Variants in UPB1 observed in about 807,000 individuals in gnomAD.
UPB1 encodes the protein beta-ureidopropionase.
UPB1 carries 40 observed loss-of-function variants against 49.1 expected under a neutral mutation model. The observed-to-expected ratio is 0.81, with a 90% CI of 0.63 to 1.06. The LOEUF is 1.06. UPB1 is among the 50% of genes least tolerant of loss of function. The pLI, the probability that UPB1 is intolerant of heterozygous loss-of-function variation, is 0.00. For missense variants in UPB1, 499 were observed against 505.9 expected, an observed-to-expected ratio of 0.99 and a Z score of 0.13; for synonymous variants, 207 against 198.2, an observed-to-expected ratio of 1.04 and a Z score of -0.38.
intron 4 of UPB1, among the ~76,000 whole-genome samples, chr22:24,513,027 A>G (rs1358426158): frequency 6.6e-6 from 1 of 152,222 alleles, no homozygotes; most frequent in Admixed American, 6.5e-5. Flanking sequence ...ACTTTTGGAT[A>G]TATACCCAGG....
At chr22:24,504,441 A>G (rs1357807940) in intron 3 of UPB1, among the ~76,000 whole-genome samples, 1 of 152,156 alleles carries the variant, frequency 6.6e-6, no homozygotes, top group Non-Finnish European at 1.5e-5. Context: ...TTTGTGACCC[A>G]TTGTCTATGA....
intron 2 of UPB1, 144 bp downstream of exon 2, chr22:24,500,422 C>A: frequency 9.9e-7 from 1 of 1,010,038 alleles, no homozygotes; most frequent in Non-Finnish European, 1.5e-6. Flanking sequence ...TCTGCCCTGG[C>A]CTCCCCACAT....
chr22:24,518,373 G>C (rs2044332820), intron 6 of UPB1: 1 of 152,210 alleles, frequency 6.6e-6, no homozygotes, highest in Non-Finnish European at 1.5e-5. Context: ...TCAGGCTGTG[G>C]TCAGAACTCT....
rs56198043 is a variant in UPB1, at chr22:24,504,904, ATT to A, written c.364+2711_364+2712del. On this transcript the variant is annotated intron_variant, in intron 3 of 9. Transcript: ENST00000326010. ...CACCACACCTGGCTAATTTTCTTGAATTTTTTTTTTTTTTTTTTTTTGTAAAG... is the reference window on the plus strand; with the variant it reads ...CACCACACCTGGCTAATTTTCTTGAATTTTTTTTTTTTTTTTTTTGTAAAG... Among the ~76,000 whole-genome samples, 388 of 109,340 alleles carry A rather than the reference ATT, an allele frequency of 3.5e-3. 2 individuals are homozygous for A. Among genetic ancestry groups the A allele is most frequent in the Middle Eastern group, 0.026 (5 of 194 alleles). 71.7% of individuals were successfully genotyped at this position (109,340 alleles called of 152,430 possible).
In UPB1 at chr22:24,506,119, C is replaced by CAA. The variant is rs372695952; in HGVS notation, c.364+3911_364+3912dup. On this transcript the variant is annotated intron_variant, in intron 3 of 9. Transcript: ENST00000326010. ...CACTGCAACCTCTGCCTCCTGGGTT[C>CAA]AAAAAATTCTCCTGCCTCAGCCTCC... Among the ~76,000 whole-genome samples the CAA allele has an allele frequency of 9.5e-3, 1,427 of 150,868 alleles. 32 individuals are homozygous for CAA. Among genetic ancestry groups the CAA allele is most frequent in the African/African-American group, 0.032 (1,303 of 40,952 alleles).
intron 6 of UPB1, chr22:24,520,048 A>G (rs1017419199): frequency 5.2e-6 from 2 of 385,548 alleles, no homozygotes; most frequent in Admixed American, 3.8e-5. Context: ...ACATTTCAGA[A>G]AAGGAAACTG....
At chr22:24,504,084 T>C (rs1400414860) in intron 3 of UPB1, among the ~76,000 whole-genome samples, 1 of 152,212 alleles carries the variant, frequency 6.6e-6, no homozygotes, top group Non-Finnish European at 1.5e-5. Flanking sequence ...AGACAGGCAT[T>C]AGGCTGTCCA....
intron 4 of UPB1, among the ~76,000 whole-genome samples, chr22:24,512,828 T>C (rs1323864446): frequency 6.6e-6 from 1 of 152,236 alleles, no homozygotes; most frequent in Admixed American, 6.5e-5. Flanking sequence ...TAGCATAGTA[T>C]CATCAAGGTT....
At position 24,510,769 on chromosome 22, in the gene UPB1, A is replaced by G. The variant is rs772010589; in HGVS notation, c.385A>G (p.Thr129Ala). The G allele has an allele frequency of 6.2e-7, 1 of 1,614,126 alleles. No individual in the cohort carries two copies. The highest frequency in any genetic ancestry group is 1.1e-5 in the South Asian group (1 of 91,082). The change falls in exon 4 of 10, where the codon ACG becomes GCG. Residue 129 changes from threonine to alanine, a missense_variant. By Grantham distance (58) the Thr-to-Ala change is moderately conservative (BLOSUM62 0). Coordinates refer to ENST00000326010, the MANE Select transcript of UPB1 (RefSeq NM_016327.3). ...EAWTMPFAFC[T>A]REKLPWTEFA... The stretch of plus-strand genomic sequence containing the variant: ...TATAGCTATGCCCTTTGCCTTCTGT[A>G]CGAGAGAGAAGCTTCCTTGGACAGA...
chr22:24,516,706 A>G (rs1423333321), intron 6 of UPB1: 1 of 151,728 alleles, frequency 6.6e-6, no homozygotes, highest in East Asian at 1.9e-4. Flanking sequence ...ATTCTTGACT[A>G]AATTTCAGTT....
chr22:24,495,834 G>C (rs979316196), intron 1 of UPB1, among the ~76,000 whole-genome samples: 2 of 152,164 alleles, frequency 1.3e-5, no homozygotes, highest in African/African-American at 4.8e-5. Flanking sequence ...TGGATGTCTG[G>C]CTGGATCACT....
Position 24,500,221 on chromosome 22 carries a change from C to G in UPB1, c.219C>G (p.His73Gln), listed in dbSNP as rs377713912. The change falls in exon 2 of 10, where the codon CAC (histidine) becomes CAG (glutamine). Residue 73 changes from histidine (H) to glutamine (Q), a missense_variant. Transcript: ENST00000326010. ...AGCTGAGACGACCCCGCATTGTGCA[C>G]GTGGGGCTGGTTCAGAACAGAATCC... ...EEQLRRPRIV[H>Q]VGLVQNRIPL... 1 of 1,614,220 alleles carries G rather than the reference C, an allele frequency of 6.2e-7. No homozygotes were observed. Among genetic ancestry groups the G allele is most frequent in the Non-Finnish European group, 8.5e-7 (1 of 1,180,046 alleles).
chr22:24,508,575 A>G (rs1197459951), intron 3 of UPB1, among the ~76,000 whole-genome samples: 1 of 140,630 alleles, frequency 7.1e-6, no homozygotes, highest in Non-Finnish European at 1.6e-5. Context: ...AGAAAAAAAA[A>G]GAAAGAAAGA....
chr22:24,525,659 TGG>T, intron 9 of UPB1, 50 bp from the exon 10 acceptor site: 1 of 1,608,688 alleles, frequency 6.2e-7, no homozygotes, highest in South Asian at 1.1e-5. Context: ...GTGTAAGTGA[TGG>T]GGATTTATAA....
chr22:24,515,143 T>C, intron 5 of UPB1, 58 bp from the exon 6 acceptor site: 1 of 1,609,230 alleles, frequency 6.2e-7, no homozygotes, highest in South Asian at 1.1e-5. Context: ...GTTTTTCTGC[T>C]GAGTCTAAGG....
intron 9 of UPB1, among the ~76,000 whole-genome samples, chr22:24,524,933 T>C (rs917461293): frequency 6.6e-6 from 1 of 152,162 alleles, no homozygotes; most frequent in Non-Finnish European, 1.5e-5. Flanking sequence ...GAGCATGGGT[T>C]CCTCAGTCTC....
rs1228137686 is a variant in UPB1 at position 24,527,937 on chromosome 22, G to C, written c.*2143G>C. On this transcript the variant is annotated 3_prime_UTR_variant, in exon 10 of 10. Transcript: ENST00000326010. ...AGATGGAAACCATCCTGGCCAACATGGTGAAACCCCATCTCTACTAAAAAT... is the reference window on the plus strand; with the variant it reads ...AGATGGAAACCATCCTGGCCAACATCGTGAAACCCCATCTCTACTAAAAAT... 1.3e-5 allele frequency: 2 copies of C among 152,130 alleles called. No homozygotes were observed. Among genetic ancestry groups the C allele is most frequent in the African/African-American group, 4.8e-5 (2 of 41,394 alleles). The allele number at this position is 152,130 out of a possible 1,614,324, so 9.4% of individuals were successfully genotyped here. A position where few individuals can be genotyped will look rare whatever the true frequency, so the allele number is the denominator to read the frequency against.
At chr22:24,521,026 T>A (rs930561368) in intron 7 of UPB1, among the ~76,000 whole-genome samples, 2 of 151,638 alleles carry the variant, frequency 1.3e-5, no homozygotes, top group Non-Finnish European at 2.9e-5. Flanking sequence ...CTACTAAAAA[T>A]ATAAAAATTA....
intron 6 of UPB1, among the ~76,000 whole-genome samples, chr22:24,517,057 T>A (rs2044309532): frequency 6.6e-6 from 1 of 152,156 alleles, no homozygotes. Flanking sequence ...AACGTCAGGG[T>A]GTGACATTTA....
Sources: allele counts gnomAD v4.1 joint callset (sites outside exome capture counted in the v4.1 genomes callset), GRCh38; gene constraint gnomAD v4.1.1; transcripts MANE v1.5; gene names NCBI Gene and HGNC (gene_info 2026-07-23, HGNC 2026-07-21).